DNMT3B: variants seen among roughly 807,000 people sequenced by gnomAD.
DNMT3B encodes DNA (cytosine-5)-methyltransferase 3B.
DNMT3B carries 37 observed loss-of-function variants against 120.2 expected under a neutral mutation model. The ratio of observed to expected loss-of-function variants is 0.31; its 90% CI spans 0.24 to 0.40. The LOEUF is 0.40. Among genes scored for constraint, DNMT3B ranks in the 10% least tolerant of loss-of-function variants. DNMT3B has a pLI of 1.00. For missense variants in DNMT3B, 878 were observed against 1,137.3 expected (o/e 0.77, Z 3.28); for synonymous variants, 412 against 442.8 (o/e 0.93, Z 0.87).
intron 2 of DNMT3B, 58 bp from the exon 3 acceptor site, chr20:32,781,295 C>T (rs966867954): frequency 3.1e-6 from 5 of 1,594,586 alleles, no homozygotes; most frequent in African/African-American, 2.7e-5. Context: ...TTAGCAAGGC[C>T]GTTCCCCAGA....
intron 7 of DNMT3B, among the ~76,000 whole-genome samples, chr20:32,789,593 G>T (rs1032855804): frequency 2.6e-5 from 4 of 152,152 alleles, no homozygotes; most frequent in Admixed American, 2.6e-4. Flanking sequence ...TTTCAACAAA[G>T]ATTTTTTTGG....
chr20:32,779,930 G>C (rs1013608796), intron 1 of DNMT3B: 2 of 710,196 alleles, frequency 2.8e-6, no homozygotes, highest in Admixed American at 4.6e-5. Context: ...GCTGAGCAGG[G>C]AGAGGGGGCC....
chr20:32,786,671 T>G (rs1369389497), intron 5 of DNMT3B, 44 bp downstream of exon 5: 3 of 1,612,258 alleles, frequency 1.9e-6, no homozygotes, highest in Non-Finnish European at 2.5e-6. Flanking sequence ...AGTCTCTAAC[T>G]GGGAGATATG....
intron 3 of DNMT3B, among the ~76,000 whole-genome samples, chr20:32,783,093 T>G (rs1274476688): frequency 6.6e-6 from 1 of 151,910 alleles, no homozygotes; most frequent in Non-Finnish European, 1.5e-5. Context: ...CCCAGCCAAT[T>G]TTTTTGTATT....
rs753241312 is a variant in DNMT3B, at chr20:32,786,486, C to T, written c.307-16C>T. ...CAGTCACCTAAGGCCCAGTGAGTGTCCTCTCTTGCTTCTAGGTCCGAACTC... is the reference window on the plus strand; with the variant it reads ...CAGTCACCTAAGGCCCAGTGAGTGTTCTCTCTTGCTTCTAGGTCCGAACTC... On this transcript the variant is annotated splice_polypyrimidine_tract_variant and intron_variant, in intron 4 of 22. Coordinates refer to ENST00000328111, the MANE Select transcript of DNMT3B (RefSeq NM_006892.4). 1 of 1,614,026 alleles carries T rather than the reference C, an allele frequency of 6.2e-7. No homozygotes were observed. Among genetic ancestry groups the T allele is most frequent in the Non-Finnish European group, 8.5e-7 (1 of 1,180,016 alleles).
intron 3 of DNMT3B, among the ~76,000 whole-genome samples, chr20:32,784,409 A>G (rs189344859): frequency 6.6e-6 from 1 of 152,334 alleles, no homozygotes; most frequent in Non-Finnish European, 1.5e-5. Flanking sequence ...AATGAGGGAA[A>G]TGGACTCAAA....
intron 7 of DNMT3B, among the ~76,000 whole-genome samples, chr20:32,791,053 G>C (rs1979920804): frequency 6.6e-6 from 1 of 152,184 alleles, no homozygotes; most frequent in Non-Finnish European, 1.5e-5. Context: ...TGGTACATCA[G>C]GAGACTTGTG....
At chr20:32,801,144 C>T in intron 18 of DNMT3B, 134 bp from the exon 19 acceptor site, 1 of 1,358,938 alleles carries the variant, frequency 7.4e-7, no homozygotes, top group Non-Finnish European at 1.0e-6. Flanking sequence ...TGCTGTCATT[C>T]AGGTGGACAT....
At chr20:32,801,557 T>A in intron 19 of DNMT3B, 131 bp downstream of exon 19, 2 of 1,247,676 alleles carry the variant, frequency 1.6e-6, no homozygotes, top group Non-Finnish European at 2.3e-6. Context: ...GATCCAATAG[T>A]GAGGGATTCA....
chr20:32,776,846 G>A (rs139064695), intron 1 of DNMT3B, among the ~76,000 whole-genome samples: 5 of 152,264 alleles, frequency 3.3e-5, no homozygotes, highest in Non-Finnish European at 5.9e-5. Context: ...GAAGCAGGAG[G>A]TGTAGGGAGT....
Position 32,762,614 on chromosome 20 carries a change from C to A in DNMT3B, c.-92C>A. 1 of 296,018 alleles carries A rather than the reference C, an allele frequency of 3.4e-6. No individual in the cohort carries two copies. Among genetic ancestry groups the A allele is most frequent in the South Asian group, 2.6e-5 (1 of 37,996 alleles). 18.3% of individuals were successfully genotyped at this position (296,018 alleles called of 1,614,324 possible). A position where few individuals can be genotyped will look rare whatever the true frequency, so the allele number is the denominator to read the frequency against. On this transcript the variant is annotated 5_prime_UTR_variant, in exon 1 of 23. In the 5' UTR this introduces an upstream ATG that the reference lacks. Coordinates refer to ENST00000328111, the MANE Select transcript of DNMT3B (RefSeq NM_006892.4). The stretch of plus-strand genomic sequence containing the variant: ...GCCGGAGATTCGCGAGCCCAGCGCC[C>A]TGCACGGCCGCCAGCCGGCCTCCCG...
Position 32,798,501 on chromosome 20 carries a change from G to A in DNMT3B, c.1532G>A (p.Gly511Asp), listed in dbSNP as rs200573841. 2.5e-6 allele frequency: 4 copies of A among 1,614,204 alleles called. No homozygotes were observed. Among genetic ancestry groups the A allele is most frequent in the Non-Finnish European group, 1.7e-6 (2 of 1,180,048 alleles). ...TGCCTGGAGGTGCTGGTGGGCACAG[G>A]CACAGCGGCCGAGGCCAAGCTTCAG... ...VECLEVLVGTGTAAEAKLQEP... is the reference protein window; with the variant it reads ...VECLEVLVGTDTAAEAKLQEP... The change falls in exon 15 of 23, where the codon GGC becomes GAC. Residue 511 changes from glycine (G) to aspartate (D), a missense_variant. Around this residue, in one of 4 missense-constraint regions of DNMT3B, gnomAD observed 334 missense variants for 518.8 expected, o/e 0.64. Coordinates refer to ENST00000328111, the MANE Select transcript of DNMT3B (RefSeq NM_006892.4).
chr20:32,797,439 G>T, intron 14 of DNMT3B, 140 bp downstream of exon 14: 3 of 773,960 alleles, frequency 3.9e-6, no homozygotes, highest in South Asian at 3.6e-5. Flanking sequence ...CAGCACACAG[G>T]GTTTATATTT....
At chr20:32,797,440 G>A in intron 14 of DNMT3B, 141 bp downstream of exon 14, 2 of 773,438 alleles carry the variant, frequency 2.6e-6, no homozygotes, top group South Asian at 1.8e-5. Context: ...AGCACACAGG[G>A]TTTATATTTT....
chr20:32,794,365 A>C (rs630087), intron 10 of DNMT3B, among the ~76,000 whole-genome samples: 8 of 136,342 alleles, frequency 5.9e-5, no homozygotes, highest in Non-Finnish European at 9.2e-5. Context: ...AAAAAAAAAA[A>C]CCAAAACAGA....
At chr20:32,777,525 G>C (rs1480389582) in intron 1 of DNMT3B, among the ~76,000 whole-genome samples, 4 of 152,096 alleles carry the variant, frequency 2.6e-5, no homozygotes, top group African/African-American at 4.8e-5. Context: ...TTCACTCCAG[G>C]CCTCTGGTCT....
intron 1 of DNMT3B, among the ~76,000 whole-genome samples, chr20:32,770,872 A>G (rs1987688697): frequency 6.6e-6 from 1 of 151,502 alleles, no homozygotes; most frequent in African/African-American, 2.4e-5. Context: ...TCAGCCTCCC[A>G]AAGTGCTGGG....
intron 5 of DNMT3B, 54 bp from the exon 6 acceptor site, chr20:32,787,176 C>G (rs1211508039): frequency 1.9e-6 from 3 of 1,609,974 alleles, no homozygotes; most frequent in Non-Finnish European, 2.6e-6. Flanking sequence ...CCGTTGGTCT[C>G]TGGTCACCGA....
chr20:32,782,551 A>G (rs1003250733), intron 3 of DNMT3B, among the ~76,000 whole-genome samples: 2 of 152,240 alleles, frequency 1.3e-5, no homozygotes, highest in African/African-American at 4.8e-5. Flanking sequence ...GGAAGACACT[A>G]GGTCATAAAC....
Sources: gnomAD v4.1 joint callset for allele counts (sites outside exome capture counted in the v4.1 genomes callset) on GRCh38, gnomAD v4.1.1 for gene constraint, gnomAD v4.1.1 regional missense constraint, MANE v1.5 for transcripts, NCBI Gene and HGNC (gene_info 2026-07-23, HGNC 2026-07-21) for gene names.